SORCS2: variants seen among roughly 807,000 people sequenced by gnomAD.
SORCS2 encodes VPS10 domain-containing receptor SorCS2.
Under a neutral mutation model 141.6 loss-of-function variants are expected in SORCS2, and 100 were observed. The ratio of observed to expected loss-of-function variants is 0.71; its 90% confidence interval spans 0.60 to 0.83. The LOEUF (loss-of-function observed/expected upper bound fraction) is 0.83. Ranked by LOEUF, SORCS2 falls within the 40% of genes least tolerant of loss-of-function variation. The probability of loss-of-function intolerance (pLI) is 0.00; values close to 1 mark genes in which losing one functional copy is unlikely to be tolerated. For synonymous variants in SORCS2, 789 were observed against 676.9 expected, an observed-to-expected ratio of 1.17 and a Z score of -2.57; for missense variants, 1,646 against 1,560.2, an observed-to-expected ratio of 1.05 and a Z score of -0.93.
intron 1 of SORCS2, among the ~76,000 whole-genome samples, chr4:7,200,372 C>T (rs756007625): frequency 5.8e-4 from 88 of 152,090 alleles, no homozygotes; most frequent in Non-Finnish European, 1.1e-3. Flanking sequence ...GCCCTGGGTT[C>T]TCTCCCTGCA....
Position 7,531,629 on chromosome 4 carries a change from G to C in SORCS2, c.648G>C (p.Lys216Asn). Residue 216 changes from lysine (K) to asparagine (N), a missense_variant and splice_region_variant, in exon 3 of 27, where the codon AAG (lysine) becomes AAC (asparagine). By Grantham distance (94) the Lys-to-Asn change is moderately conservative. Transcript: ENST00000507866. ...NFYICPTNKRKVILVSSSLSD... is the reference protein window; with the variant it reads ...NFYICPTNKRNVILVSSSLSD... ...ACATCTGCCCGACCAACAAGAGGAA[G>C]GTAGGTGCTGGCTGGGGGTGGCCGC... 4.3e-6 allele frequency: 7 copies of C among 1,613,272 alleles called. No homozygotes were observed. The highest frequency in any genetic ancestry group is 5.1e-6 in the Non-Finnish European group (6 of 1,179,578).
intron 1 of SORCS2, among the ~76,000 whole-genome samples, chr4:7,339,996 G>T (rs917183141): frequency 2.8e-4 from 42 of 152,234 alleles, no homozygotes; most frequent in Non-Finnish European, 5.6e-4. Context: ...GAGGCTGGGG[G>T]CTTGTCCGGG....
chr4:7,706,118 G>A (rs1343120888), intron 14 of SORCS2, among the ~76,000 whole-genome samples: 1 of 134,712 alleles, frequency 7.4e-6, no homozygotes. Flanking sequence ...GTCTGGGCAG[G>A]GATGAGGCTG....
chr4:7,659,276 C>CA (rs549698315), intron 5 of SORCS2, among the ~76,000 whole-genome samples: 1,520 of 117,108 alleles, frequency 0.013, 8 homozygotes, highest in African/African-American at 0.028. Context: ...TTCCTTTCAT[C>CA]AAAAAAAAAA....
intron 1 of SORCS2, among the ~76,000 whole-genome samples, chr4:7,302,455 C>T (rs1224661867): frequency 6.6e-6 from 1 of 152,226 alleles, no homozygotes; most frequent in Admixed American, 6.5e-5. Flanking sequence ...CCCAGAACGC[C>T]CTCCCTGCAG....
In SORCS2 at chr4:7,273,391, G is replaced by C. The variant is rs757046509; in HGVS notation, c.480+80265G>C. On this transcript the variant is annotated intron_variant, in intron 1 of 26. Coordinates refer to ENST00000507866, the MANE Select transcript of SORCS2 (RefSeq NM_020777.3). ...GTCTTGGGGACCATGGCATAACCCA[G>C]CTGAAAGCCACTTGCATCCATCATT... is the stretch of plus-strand genomic sequence containing the variant. 3.3e-5 allele frequency among the ~76,000 whole-genome samples: 5 copies of C among 152,124 alleles called. No individual in the cohort carries two copies. In the East Asian group the frequency reaches 7.7e-4, roughly 23 times the overall value.
At chr4:7,609,817 C>G (rs1718293936) in intron 3 of SORCS2, among the ~76,000 whole-genome samples, 1 of 152,250 alleles carries the variant, frequency 6.6e-6, no homozygotes, top group Non-Finnish European at 1.5e-5. Context: ...TGACTTGTCT[C>G]TTGTGTATCA....
intron 1 of SORCS2, among the ~76,000 whole-genome samples, chr4:7,360,568 C>CTTCTTTT (rs1721519991): frequency 4.5e-5 from 1 of 22,366 alleles, no homozygotes; most frequent in Non-Finnish European, 9.0e-5. Context: ...CTCCCAGTCC[C>CTTCTTTT]TTCTTTTTTT....
chr4:7,587,903 A>G (rs562946254), intron 3 of SORCS2, among the ~76,000 whole-genome samples: 2 of 152,318 alleles, frequency 1.3e-5, no homozygotes, highest in South Asian at 4.1e-4. Flanking sequence ...CTGTAGCAAC[A>G]ACAAAAAGAT....
intron 1 of SORCS2, among the ~76,000 whole-genome samples, chr4:7,213,726 G>A (rs958600214): frequency 6.6e-6 from 1 of 152,242 alleles, no homozygotes; most frequent in Non-Finnish European, 1.5e-5. Flanking sequence ...GGGAACAGCA[G>A]AGCTGGGTCT....
At position 7,610,332 on chromosome 4, in the gene SORCS2, AGGAT is replaced by A. The variant is rs1379303571; in HGVS notation, c.649-27994_649-27991del. 2.0e-5 allele frequency among the ~76,000 whole-genome samples: 3 copies of A among 152,242 alleles called. No individual in the cohort carries two copies. The East Asian group carries it at 5.8e-4, about 29-fold the overall frequency. On this transcript the variant is annotated intron_variant, in intron 3 of 26. Transcript: ENST00000507866. ...TAAATGAGGACACTCATGAGGGACG[AGGAT>A]GTGGGCTGAGCTCCAGAGGACTGGT...
In SORCS2 at chr4:7,193,193, G is replaced by T. The variant is rs994893107; in HGVS notation, c.480+67G>T. The T allele has an allele frequency of 6.5e-6, 9 of 1,389,408 alleles. No individual in the cohort carries two copies. The African/African-American group carries it at 9.0e-5, about 14-fold the overall frequency. The allele number at this position is 1,389,408 out of a possible 1,614,324, so 86.1% of individuals were successfully genotyped here. A position where few individuals can be genotyped will look rare whatever the true frequency, so the allele number is the denominator to read the frequency against. On this transcript the variant is annotated intron_variant, in intron 1 of 26. Coordinates refer to ENST00000507866, the MANE Select transcript of SORCS2 (RefSeq NM_020777.3). The surrounding 1 kb of genome is among the most constrained non-coding windows in gnomAD (Gnocchi z 4.8). Reference sequence around the variant, plus strand: ...CACCGCGGGACACCCGGGCGGGACCGCCACGGCCCCCACCCCAGATCCCCA... The same window carrying T: ...CACCGCGGGACACCCGGGCGGGACCTCCACGGCCCCCACCCCAGATCCCCA...
chr4:7,715,833 T>C (rs1726151704), intron 17 of SORCS2, among the ~76,000 whole-genome samples: 1 of 152,170 alleles, frequency 6.6e-6, no homozygotes, highest in Non-Finnish European at 1.5e-5. Context: ...CCAGGAAGCC[T>C]TCCCTGACCA....
At chr4:7,726,968 C>T in intron 21 of SORCS2, 65 bp downstream of exon 21, 2 of 1,549,846 alleles carry the variant, frequency 1.3e-6, no homozygotes, top group South Asian at 1.2e-5. Context: ...GGAAGCCAGG[C>T]CACATGGGTC....
chr4:7,587,537 G>A lies in SORCS2; in HGVS notation c.649-50791G>A, dbSNP rs374103410. On this transcript the variant is annotated intron_variant, in intron 3 of 26. Coordinates refer to ENST00000507866, the MANE Select transcript of SORCS2 (RefSeq NM_020777.3). ...ACGAATGTGCTTGGTTCTGGGCAGC[G>A]CCTTGATTAGGCCCAAGGCAGGCCC... 2.0e-4 allele frequency among the ~76,000 whole-genome samples: 30 copies of A among 152,332 alleles called. 1 individual carries two copies. The highest frequency in any genetic ancestry group is 2.9e-4 in the African/African-American group (12 of 41,578).
chr4:7,636,472 C>T (rs569487833), intron 3 of SORCS2, among the ~76,000 whole-genome samples: 4 of 152,258 alleles, frequency 2.6e-5, no homozygotes, highest in African/African-American at 9.6e-5. Context: ...TCTGGGTAAC[C>T]TGGTTCAAAT....
chr4:7,504,866 A>G (rs1430368520), intron 2 of SORCS2, among the ~76,000 whole-genome samples: 1 of 152,206 alleles, frequency 6.6e-6, no homozygotes, highest in Non-Finnish European at 1.5e-5. Flanking sequence ...GGGGGCCACA[A>G]AAGGTCCATG....
At chr4:7,360,571 C>CTTTTTTCTTTTT (rs1721521036) in intron 1 of SORCS2, among the ~76,000 whole-genome samples, 1 of 49,272 alleles carries the variant, frequency 2.0e-5, no homozygotes, top group Non-Finnish European at 3.2e-5. Flanking sequence ...CCAGTCCCTT[C>CTTTTTTCTTTTT]TTTTTTTTTT....
At chr4:7,327,821 C>A (rs1318361797) in intron 1 of SORCS2, among the ~76,000 whole-genome samples, 1 of 152,130 alleles carries the variant, frequency 6.6e-6, no homozygotes, top group African/African-American at 2.4e-5. Flanking sequence ...CAACCCCGCC[C>A]CCGGCAACGT....
Sources: gnomAD v4.1 joint callset for allele counts (sites outside exome capture counted in the v4.1 genomes callset) on GRCh38, gnomAD v4.1.1 for gene constraint, Gnocchi (gnomAD v3.1) non-coding constraint, MANE v1.5 for transcripts, NCBI Gene and HGNC (gene_info 2026-07-23, HGNC 2026-07-21) for gene names.